Variants in ZFAND3 observed in about 807,000 individuals in gnomAD.
ZFAND3 encodes the protein AN1-type zinc finger protein 3.
ZFAND3 carries 10 observed loss-of-function variants against 29.6 expected under a neutral mutation model. The observed-to-expected ratio is 0.34, with a 90% CI of 0.21 to 0.57. The LOEUF (loss-of-function observed/expected upper bound fraction) is 0.57, where lower values mean the gene tolerates loss of function less well. Ranked by LOEUF, ZFAND3 falls within the 20% of genes least tolerant of loss-of-function variation. ZFAND3 has a pLI of 0.86. For missense variants in ZFAND3, 230 were observed against 304.5 expected, an observed-to-expected ratio of 0.76 and a Z score of 1.82; for synonymous variants, 128 against 112.6, an observed-to-expected ratio of 1.14 and a Z score of -0.87.
chr6:37,825,840 A>G (rs1403915881), intron 1 of ZFAND3, among the ~76,000 whole-genome samples: 2 of 152,224 alleles, frequency 1.3e-5, no homozygotes, highest in Admixed American at 6.5e-5. Flanking sequence ...GAAACCAAGA[A>G]CAGTATATAA....
intron 1 of ZFAND3, among the ~76,000 whole-genome samples, chr6:37,837,463 T>TTCCA (rs1763989549): frequency 1.3e-5 from 2 of 152,252 alleles, no homozygotes; most frequent in South Asian, 4.1e-4. Context: ...GCATTGGAAC[T>TTCCA]GTGTAATCAG....
chr6:38,026,086 T>TA (rs1763441685), intron 2 of ZFAND3, among the ~76,000 whole-genome samples: 1 of 152,214 alleles, frequency 6.6e-6, no homozygotes, highest in Non-Finnish European at 1.5e-5. Context: ...AATAACCTAT[T>TA]ACTTAAAATA....
chr6:38,116,932 C>G (rs1355902517), intron 5 of ZFAND3, among the ~76,000 whole-genome samples, 193 bp downstream of exon 5: 1 of 152,122 alleles, frequency 6.6e-6, no homozygotes, highest in Non-Finnish European at 1.5e-5. Context: ...ACCCTTTATT[C>G]TCACACATGC....
intron 1 of ZFAND3, 134 bp downstream of exon 1, chr6:37,820,150 T>G (rs902232729): frequency 3.2e-3 from 97 of 29,996 alleles, no homozygotes; most frequent in East Asian, 4.8e-3. Context: ...GGGGAGGGGG[T>G]GGGGGTCGCG....
intron 1 of ZFAND3, among the ~76,000 whole-genome samples, chr6:37,827,687 A>G (rs2127366164): frequency 6.6e-6 from 1 of 152,252 alleles, no homozygotes; most frequent in East Asian, 1.9e-4. Context: ...TGAGGGACAG[A>G]GCTGCAACAG....
At chr6:37,856,780 A>G (rs1254072231) in intron 1 of ZFAND3, among the ~76,000 whole-genome samples, 3 of 152,192 alleles carry the variant, frequency 2.0e-5, no homozygotes, top group Non-Finnish European at 4.4e-5. Context: ...TACTGTACCT[A>G]AAACAAAATG....
chr6:37,933,586 G>C (rs1761637143), intron 2 of ZFAND3, among the ~76,000 whole-genome samples: 1 of 152,312 alleles, frequency 6.6e-6, no homozygotes, highest in African/African-American at 2.4e-5. Flanking sequence ...TGAAATGTTA[G>C]TTGCTGGTAA....
chr6:37,884,355 G>A (rs181009223), intron 1 of ZFAND3, among the ~76,000 whole-genome samples: 3 of 143,314 alleles, frequency 2.1e-5, no homozygotes, highest in South Asian at 2.2e-4. Context: ...TTAGCCAGGC[G>A]TGGTGGCGCA....
At chr6:37,944,140 T>C (rs2127418089) in intron 2 of ZFAND3, among the ~76,000 whole-genome samples, 1 of 152,344 alleles carries the variant, frequency 6.6e-6, no homozygotes, top group African/African-American at 2.4e-5. Context: ...TTTATGCACA[T>C]GCATACAGTT....
chr6:38,071,212 A>G (rs1244896763), intron 3 of ZFAND3, among the ~76,000 whole-genome samples: 2 of 151,904 alleles, frequency 1.3e-5, no homozygotes, highest in African/African-American at 2.4e-5. Flanking sequence ...AGTGCCTTGT[A>G]TTCATTAGAA....
chr6:38,093,662 G>A (rs1287995076), intron 4 of ZFAND3, among the ~76,000 whole-genome samples: 1 of 152,134 alleles, frequency 6.6e-6, no homozygotes, highest in Non-Finnish European at 1.5e-5. Flanking sequence ...GGAAAGCTAT[G>A]GCCATGGCTA....
intron 2 of ZFAND3, among the ~76,000 whole-genome samples, chr6:37,998,763 G>A (rs1762895182): frequency 6.6e-6 from 1 of 152,066 alleles, no homozygotes; most frequent in South Asian, 2.1e-4. Flanking sequence ...TGTTGGGGTG[G>A]GTATTTACAG....
rs1439567471 is a variant in ZFAND3, at chr6:37,819,791, C to G, written c.-155C>G. 4 of 367,668 alleles carry G rather than the reference C, an allele frequency of 1.1e-5. No homozygotes were observed. The highest frequency in any genetic ancestry group is 8.8e-5 in the African/African-American group (4 of 45,602). 22.8% of individuals were successfully genotyped at this position (367,668 alleles called of 1,614,324 possible). On this transcript the variant is annotated 5_prime_UTR_variant, in exon 1 of 6. Coordinates refer to ENST00000287218, the MANE Select transcript of ZFAND3 (RefSeq NM_021943.3). ...AGCTGACCGGCCTGGAATCCCGGCT[C>G]CGAGCCCCGGACTCGCGCCCGCCCG...
intron 1 of ZFAND3, among the ~76,000 whole-genome samples, chr6:37,887,968 C>T (rs949175558): frequency 3.9e-5 from 6 of 152,218 alleles, no homozygotes; most frequent in East Asian, 1.9e-4. Context: ...CTCATCTATC[C>T]GTCATTCTTG....
At chr6:37,849,619 A>T (rs1764246619) in intron 1 of ZFAND3, among the ~76,000 whole-genome samples, 1 of 152,136 alleles carries the variant, frequency 6.6e-6, no homozygotes, top group Admixed American at 6.5e-5. Flanking sequence ...CATATTGACC[A>T]GGCTGGTCTG....
At chr6:38,125,920 C>T (rs1377906102) in intron 5 of ZFAND3, among the ~76,000 whole-genome samples, 1 of 151,966 alleles carries the variant, frequency 6.6e-6, no homozygotes, top group South Asian at 2.1e-4. Context: ...TTGTTTCAGA[C>T]CCTGATTTTT....
chr6:38,100,771 AG>A (rs748964129), intron 4 of ZFAND3, among the ~76,000 whole-genome samples: 17 of 152,240 alleles, frequency 1.1e-4, no homozygotes, highest in Non-Finnish European at 2.4e-4. Flanking sequence ...AGAAGTTATA[AG>A]AATGTTTCCT....
rs183299095 is a variant in ZFAND3 at position 37,909,318 on chromosome 6, C to T, written c.72-20641C>T. On this transcript the variant is annotated intron_variant, in intron 1 of 5. Coordinates refer to ENST00000287218, the MANE Select transcript of ZFAND3 (RefSeq NM_021943.3). ...TTTTTGAGACGGAGTCTTGCTCTGT[C>T]GCACAGGCTGGAGTGCAGTGGTACG... Among the ~76,000 whole-genome samples, 12 of 146,528 alleles carry T rather than the reference C, an allele frequency of 8.2e-5. No homozygotes were observed. In the East Asian group the frequency reaches 1.6e-3, roughly 19 times the overall value.
intron 1 of ZFAND3, among the ~76,000 whole-genome samples, chr6:37,875,271 AAAG>A (rs1764771145): frequency 1.3e-5 from 2 of 152,222 alleles, no homozygotes; most frequent in South Asian, 4.1e-4. Flanking sequence ...CAATGTAATA[AAAG>A]AAGGCTTGGA....
Sources: gnomAD v4.1 joint callset for allele counts (sites outside exome capture counted in the v4.1 genomes callset) on GRCh38, gnomAD v4.1.1 for gene constraint, MANE v1.5 for transcripts, NCBI Gene and HGNC (gene_info 2026-07-23, HGNC 2026-07-21) for gene names.